CAMKK1: variants seen among roughly 807,000 people sequenced by gnomAD.
CAMKK1 encodes calcium/calmodulin dependent protein kinase kinase 1.
A neutral mutation model predicts 63.5 loss-of-function variants in CAMKK1; 20 were observed. The observed-to-expected ratio is 0.32, with a 90% CI of 0.22 to 0.46. The LOEUF is 0.46. Ranked by LOEUF, CAMKK1 falls within the 20% of genes least tolerant of loss-of-function variation. CAMKK1 has a pLI of 1.00. For missense variants in CAMKK1, 588 were observed against 658.1 expected, an observed-to-expected ratio of 0.89 and a Z score of 1.17; for synonymous variants, 253 against 269.0, an observed-to-expected ratio of 0.94 and a Z score of 0.58.
chr17:3,889,572 G>A lies in CAMKK1; in HGVS notation c.-44+3367C>T, dbSNP rs2055809316. On this transcript the variant is annotated intron_variant, in intron 1 of 15. Coordinates refer to ENST00000348335, the MANE Select transcript of CAMKK1 (RefSeq NM_032294.3). The surrounding 1 kb of genome is among the most constrained non-coding windows in gnomAD (Gnocchi z 5.2). Reference sequence around the variant, plus strand: ...AACTCCCAGGGCGATGGAAGGAACAGAATGAGGTGTGGACACAGGAGTAGT... The same window carrying A: ...AACTCCCAGGGCGATGGAAGGAACAAAATGAGGTGTGGACACAGGAGTAGT... Among the ~76,000 whole-genome samples, 3 of 152,112 alleles carry A rather than the reference G, an allele frequency of 2.0e-5. No homozygotes were observed. Among genetic ancestry groups the A allele is most frequent in the Admixed American group, 2.0e-4 (3 of 15,278 alleles).
At position 3,884,515 on chromosome 17, in the gene CAMKK1, C is replaced by A. The variant is rs543557906; in HGVS notation, c.361-88G>T. The A allele has an allele frequency of 2.9e-3, 3,643 of 1,263,184 alleles. 16 individuals are homozygous for A. Among genetic ancestry groups the A allele is most frequent in the Admixed American group, 3.5e-3 (170 of 48,612 alleles). The allele number at this position is 1,263,184 out of a possible 1,614,324, so 78.2% of individuals were successfully genotyped here. On this transcript the variant is annotated intron_variant, in intron 2 of 15. Coordinates refer to ENST00000348335, the MANE Select transcript of CAMKK1 (RefSeq NM_032294.3). The surrounding 1 kb of genome is among the most constrained non-coding windows in gnomAD (Gnocchi z 4.5). ...GAGCCCGTTCAGGGTCCAATTCTGGCCATAAGCTCCTCATTCCCGGACCCC... is the reference window on the plus strand; with the variant it reads ...GAGCCCGTTCAGGGTCCAATTCTGGACATAAGCTCCTCATTCCCGGACCCC...
intron 10 of CAMKK1, among the ~76,000 whole-genome samples, chr17:3,875,837 C>T (rs113908024): frequency 1.2e-3 from 181 of 152,304 alleles, no homozygotes; most frequent in Non-Finnish European, 1.8e-3. Flanking sequence ...CTCTAGGCTC[C>T]AGGTCCTGCT....
chr17:3,870,409 A>T (rs977561377), intron 12 of CAMKK1, among the ~76,000 whole-genome samples: 1 of 151,142 alleles, frequency 6.6e-6, no homozygotes, highest in African/African-American at 2.4e-5. Context: ...TCTGTGGCCC[A>T]GGCTGGAGTG....
At chr17:3,880,638 T>C (rs538754654) in intron 8 of CAMKK1, among the ~76,000 whole-genome samples, 57 of 152,390 alleles carry the variant, frequency 3.7e-4, no homozygotes, top group African/African-American at 1.4e-3. Context: ...CAGCTTTCTC[T>C]TAATTTCTGA....
intron 12 of CAMKK1, among the ~76,000 whole-genome samples, chr17:3,871,356 T>TG (rs1567618105): frequency 9.0e-5 from 9 of 99,876 alleles, no homozygotes; most frequent in East Asian, 7.2e-4. Flanking sequence ...TGTTTTTTTT[T>TG]TTTTTTTTTT....
intron 15 of CAMKK1, among the ~76,000 whole-genome samples, chr17:3,864,613 A>T (rs2054445763): frequency 6.6e-6 from 1 of 152,114 alleles, no homozygotes; most frequent in Non-Finnish European, 1.5e-5. Context: ...ACGTCAAATT[A>T]TATATGCCCC....
At chr17:3,871,617 A>C (rs1437389126) in intron 12 of CAMKK1, among the ~76,000 whole-genome samples, 3 of 147,294 alleles carry the variant, frequency 2.0e-5, no homozygotes, top group Admixed American at 6.7e-5. Flanking sequence ...TGGCCTCCCA[A>C]AGTGCTGGAA....
In CAMKK1 at chr17:3,885,493, C is replaced by T; in HGVS notation, c.195G>A (p.Arg65=). 2 of 1,613,774 alleles carry T rather than the reference C, an allele frequency of 1.2e-6. No individual in the cohort carries two copies. The highest frequency in any genetic ancestry group is 1.7e-6 in the Non-Finnish European group (2 of 1,180,010). ...AAAGCTTCCTGGCTGAGAGGCTAGGCCGGGCTGGGAGCAGTCTTGAAGTAC... is the reference window on the plus strand; with the variant it reads ...AAAGCTTCCTGGCTGAGAGGCTAGGTCGGGCTGGGAGCAGTCTTGAAGTAC... The part of the protein sequence containing the change: ...PGSTSRLLPA[R]PSLSARKLSL... The change falls in exon 2 of 16, where the codon CGG becomes CGA. Residue 65 remains arginine (R), a synonymous_variant. Coordinates refer to ENST00000348335, the MANE Select transcript of CAMKK1 (RefSeq NM_032294.3).
chr17:3,862,459 C>G lies in CAMKK1; in HGVS notation c.1446-176G>C, dbSNP rs1456751119. Among the ~76,000 whole-genome samples the G allele has an allele frequency of 1.3e-5, 2 of 152,138 alleles. No homozygotes were observed. Among genetic ancestry groups the G allele is most frequent in the East Asian group, 3.9e-4 (2 of 5,188 alleles). On this transcript the variant is annotated intron_variant, in intron 15 of 15. Transcript: ENST00000348335. The surrounding 1 kb of genome is among the most constrained non-coding windows in gnomAD (Gnocchi z 4.1). ...CTACATCACGGCAGTTGCTCCTTGC[C>G]GGTCTCTCAGCCCCCAGTCTCAGCC... is the stretch of plus-strand genomic sequence containing the variant.
At chr17:3,871,837 G>C (rs982256237) in intron 12 of CAMKK1, among the ~76,000 whole-genome samples, 2 of 151,818 alleles carry the variant, frequency 1.3e-5, no homozygotes, top group Admixed American at 1.3e-4. Flanking sequence ...GTAGAGATGG[G>C]GTTTCACCAT....
intron 15 of CAMKK1, 160 bp downstream of exon 15, chr17:3,865,748 A>G (rs376489284): frequency 2.1e-6 from 3 of 1,447,876 alleles, no homozygotes; most frequent in East Asian, 2.5e-5. Context: ...GCCCCGACTA[A>G]CCTTGGGGAC....
chr17:3,862,361 C>T lies in CAMKK1; in HGVS notation c.1446-78G>A, dbSNP rs2054358712. On this transcript the variant is annotated intron_variant, in intron 15 of 15. Transcript: ENST00000348335. This position sits in a 1 kb window ranked among gnomAD's most constrained non-coding sequence, Gnocchi z 4.1. ...AGGGAGACACTCTCCCTCACACACA[C>T]AGGAATCTGAATCCCACATCTCTCA... 8.4e-7 allele frequency: 1 copy of T among 1,188,566 alleles called. No homozygotes were observed. The highest frequency in any genetic ancestry group is 1.2e-6 in the Non-Finnish European group (1 of 819,222). 73.6% of individuals were successfully genotyped at this position (1,188,566 alleles called of 1,614,324 possible). A position where few individuals can be genotyped will look rare whatever the true frequency, so the allele number is the denominator to read the frequency against.
Position 3,862,261 on chromosome 17 carries a change from C to T in CAMKK1, c.1468G>A (p.Gly490Ser). 1.9e-6 allele frequency: 3 copies of T among 1,588,960 alleles called. No individual in the cohort carries two copies. The highest frequency in any genetic ancestry group is 1.3e-5 in the African/African-American group (1 of 74,484). Residue 490 changes from glycine to serine, a missense_variant, in exon 16 of 16, where the codon GGC (glycine) becomes AGC (serine). By Grantham distance (56) the Gly-to-Ser change is moderately conservative. Coordinates refer to ENST00000348335, the MANE Select transcript of CAMKK1 (RefSeq NM_032294.3). This position sits in a 1 kb window ranked among gnomAD's most constrained non-coding sequence, Gnocchi z 4.1. ...ACGCCGGGGAGCTCTGGGCTCTTGCCCCCTTCACCAAACCCTTCTTTCCTG... is the reference window on the plus strand; with the variant it reads ...ACGCCGGGGAGCTCTGGGCTCTTGCTCCCTTCACCAAACCCTTCTTTCCTG... ...LLVKEGFGEG[G>S]KSPELPGVQE... is the part of the protein sequence containing the mutation.
Position 3,865,935 on chromosome 17 carries a change from G to C in CAMKK1, c.1418C>G (p.Ser473Cys), listed in dbSNP as rs1443331103. ...FEPQARREER[S>C]MSAPGNLLVK... Reference sequence around the variant, plus strand: ...CAGTAGGTTTCCTGGAGCAGACATGGATCGCTCTTCCCTCCGTGCTTGGGG... The same window carrying C: ...CAGTAGGTTTCCTGGAGCAGACATGCATCGCTCTTCCCTCCGTGCTTGGGG... Residue 473 changes from serine (S) to cysteine (C), a missense_variant, in exon 15 of 16, where the codon TCC becomes TGC. Physicochemically the swap from Ser to Cys is moderately radical, Grantham distance 112 (BLOSUM62 -1). Coordinates refer to ENST00000348335, the MANE Select transcript of CAMKK1 (RefSeq NM_032294.3). 1 of 1,614,204 alleles carries C rather than the reference G, an allele frequency of 6.2e-7. No individual in the cohort carries two copies. Among genetic ancestry groups the C allele is most frequent in the Non-Finnish European group, 8.5e-7 (1 of 1,180,028 alleles).
rs2054374299 is a variant in CAMKK1, at chr17:3,862,792, G to A, written c.1446-509C>T. On this transcript the variant is annotated intron_variant, in intron 15 of 15. Transcript: ENST00000348335. This position sits in a 1 kb window ranked among gnomAD's most constrained non-coding sequence, Gnocchi z 4.1. ...CTACAGGCACATGCCACCACGCCCA[G>A]CTAATTTTTGTATTTTTTTATCTCT... 6.6e-6 allele frequency among the ~76,000 whole-genome samples: 1 copy of A among 151,972 alleles called. No homozygotes were observed. The highest frequency in any genetic ancestry group is 1.5e-5 in the Non-Finnish European group (1 of 68,044).
chr17:3,861,981 AGAG>A lies in CAMKK1; in HGVS notation c.*227_*229del. The A allele has an allele frequency of 3.5e-6, 2 of 576,160 alleles. No individual in the cohort carries two copies. The allele number at this position is 576,160 out of a possible 1,614,324, so 35.7% of individuals were successfully genotyped here. A position where few individuals can be genotyped will look rare whatever the true frequency, so the allele number is the denominator to read the frequency against. On this transcript the variant is annotated 3_prime_UTR_variant, in exon 16 of 16. Transcript: ENST00000348335. ...TGGGTCAGGCCAAGGAGGTCCAAGA[AGAG>A]GAGGATGGCCTCGTGGGAGCCCTGC...
rs2055943619 is a variant in CAMKK1 at position 3,892,593 on chromosome 17, G to T, written c.-44+346C>A. Among the ~76,000 whole-genome samples the T allele has an allele frequency of 6.6e-6, 1 of 152,208 alleles. No individual in the cohort carries two copies. Among genetic ancestry groups the T allele is most frequent in the Non-Finnish European group, 1.5e-5 (1 of 68,018 alleles). ...AACCGCACGTGGGTGCCCCGGGCCG[G>T]GCCCACTCCGCACAGACGTGGCCTC... On this transcript the variant is annotated intron_variant, in intron 1 of 15. Transcript: ENST00000348335. This position sits in a 1 kb window ranked among gnomAD's most constrained non-coding sequence, Gnocchi z 7.5.
chr17:3,882,086 A>C lies in CAMKK1; in HGVS notation c.686-438T>G. Reference sequence around the variant, plus strand: ...AGACACAAGGAACTAAAATAATAACATTACTATTAACAAGGATAATAACGA... The same window carrying C: ...AGACACAAGGAACTAAAATAATAACCTTACTATTAACAAGGATAATAACGA... On this transcript the variant is annotated intron_variant, in intron 7 of 15. Coordinates refer to ENST00000348335, the MANE Select transcript of CAMKK1 (RefSeq NM_032294.3). This position sits in a 1 kb window ranked among gnomAD's most constrained non-coding sequence, Gnocchi z 4.3. 1 of 573,878 alleles carries C rather than the reference A, an allele frequency of 1.7e-6. No homozygotes were observed. Among genetic ancestry groups the C allele is most frequent in the South Asian group, 2.3e-5 (1 of 43,010 alleles). 35.5% of individuals were successfully genotyped at this position (573,878 alleles called of 1,614,324 possible).
In CAMKK1 at chr17:3,882,957, G is replaced by A. The variant is rs2055479476; in HGVS notation, c.648+85C>T. The A allele has an allele frequency of 6.5e-7, 1 of 1,536,470 alleles. No individual in the cohort carries two copies. Among genetic ancestry groups the A allele is most frequent in the Admixed American group, 1.8e-5 (1 of 54,890 alleles). The stretch of plus-strand genomic sequence containing the variant: ...TCTGCCACCTGGGCAAGATCCCTGG[G>A]TCTGTGCTAGGGGCTCCCCAGCACC... On this transcript the variant is annotated intron_variant, in intron 6 of 15. Coordinates refer to ENST00000348335, the MANE Select transcript of CAMKK1 (RefSeq NM_032294.3). This position sits in a 1 kb window ranked among gnomAD's most constrained non-coding sequence, Gnocchi z 4.3.
Sources: allele counts gnomAD v4.1 joint callset (sites outside exome capture counted in the v4.1 genomes callset), GRCh38; gene constraint gnomAD v4.1.1; non-coding constraint Gnocchi (gnomAD v3.1); transcripts MANE v1.5; gene names NCBI Gene and HGNC (gene_info 2026-07-23, HGNC 2026-07-21).